Variants in ARHGAP44 observed in about 807,000 individuals in gnomAD.
ARHGAP44 encodes the protein rho GTPase-activating protein 44.
A neutral mutation model predicts 106.8 loss-of-function variants in ARHGAP44; 43 were observed. That is an observed-to-expected ratio of 0.40 (90% CI 0.32 to 0.52). The LOEUF is 0.52. ARHGAP44 is among the 20% of genes least tolerant of loss of function. The pLI is 0.48. For synonymous variants in ARHGAP44, 439 were observed against 410.3 expected, an observed-to-expected ratio of 1.07 and a Z score of -0.85; for missense variants, 866 against 1,050.5, an observed-to-expected ratio of 0.82 and a Z score of 2.43.
Position 12,984,719 on chromosome 17 carries a change from G to C in ARHGAP44, c.2128G>C (p.Ala710Pro). The change falls in exon 20 of 21, where the codon GCT (alanine) becomes CCT (proline). Residue 710 changes from alanine (A) to proline (P), a missense_variant. Coordinates refer to ENST00000379672, the MANE Select transcript of ARHGAP44 (RefSeq NM_014859.6). ...CTCGGGCCAGCTCTCCCCAGCTGCA[G>C]CTCCTCCCCTGGCCTCTCCTTCTGT... ...LASGQLSPAA[A>P]PPLASPSVFT... is the part of the protein sequence containing the mutation. 6.2e-7 allele frequency: 1 copy of C among 1,613,878 alleles called. No homozygotes were observed. The highest frequency in any genetic ancestry group is 8.5e-7 in the Non-Finnish European group (1 of 1,179,870).
intron 20 of ARHGAP44, among the ~76,000 whole-genome samples, chr17:12,989,529 C>G (rs79988355): frequency 6.6e-6 from 1 of 152,126 alleles, no homozygotes; most frequent in Non-Finnish European, 1.5e-5. Context: ...TGAGGGAGAC[C>G]TTCTACTCCA....
chr17:12,925,792 T>C (rs2038213967), intron 6 of ARHGAP44, among the ~76,000 whole-genome samples: 1 of 152,222 alleles, frequency 6.6e-6, no homozygotes, highest in Admixed American at 6.5e-5. Flanking sequence ...CTGTTTCTCC[T>C]CTGACAGAGC....
intron 1 of ARHGAP44, among the ~76,000 whole-genome samples, chr17:12,881,325 G>T (rs1346246131): frequency 6.6e-6 from 1 of 151,538 alleles, no homozygotes; most frequent in Admixed American, 6.6e-5. Flanking sequence ...TAATTCATTG[G>T]TATTTGACTT....
rs2038900556 is a variant in ARHGAP44 at position 12,948,117 on chromosome 17, C to T, written c.862-1023C>T. Among the ~76,000 whole-genome samples the T allele has an allele frequency of 2.0e-5, 3 of 152,196 alleles. No individual in the cohort carries two copies. The South Asian group carries it at 6.2e-4, about 32-fold the overall frequency. On this transcript the variant is annotated intron_variant, in intron 10 of 20. Transcript: ENST00000379672. Reference sequence around the variant, plus strand: ...AACAGAAACCGATAGGTCTTTAACCCGTGTGTCACTTACCTGTGACGTGGA... The same window carrying T: ...AACAGAAACCGATAGGTCTTTAACCTGTGTGTCACTTACCTGTGACGTGGA...
intron 1 of ARHGAP44, among the ~76,000 whole-genome samples, chr17:12,831,265 G>T (rs1369877782): frequency 6.6e-6 from 1 of 152,172 alleles, no homozygotes; most frequent in Admixed American, 6.5e-5. Flanking sequence ...AGACTTGGCT[G>T]CCGGACTCCA....
At chr17:12,904,656 ATCTC>A (rs1330683457) in intron 3 of ARHGAP44, among the ~76,000 whole-genome samples, 1 of 152,230 alleles carries the variant, frequency 6.6e-6, no homozygotes, top group East Asian at 1.9e-4. Context: ...AAAGGTATCT[ATCTC>A]TATGTGAAAA....
At chr17:12,957,394 A>G (rs1045468269) in intron 15 of ARHGAP44, among the ~76,000 whole-genome samples, 1 of 152,222 alleles carries the variant, frequency 6.6e-6, no homozygotes. Flanking sequence ...TTGTGCAGGA[A>G]GGAAAGATCC....
At chr17:12,849,188 C>T (rs879592306) in intron 1 of ARHGAP44, among the ~76,000 whole-genome samples, 1 of 151,238 alleles carries the variant, frequency 6.6e-6, no homozygotes. Context: ...AGGGTCTGCA[C>T]GCCAGAGATC....
rs113183100 is a variant in ARHGAP44, at chr17:12,981,569, T to C, written c.1939+1336T>C. Among the ~76,000 whole-genome samples, 979 of 152,050 alleles carry C rather than the reference T, an allele frequency of 6.4e-3. 11 individuals carry two copies. Among genetic ancestry groups the C allele is most frequent in the African/African-American group, 0.022 (914 of 41,522 alleles). On this transcript the variant is annotated intron_variant, in intron 19 of 20. Coordinates refer to ENST00000379672, the MANE Select transcript of ARHGAP44 (RefSeq NM_014859.6). ...TCTACCACCACACCTGGCTAATTTT[T>C]GTATTTTCAGTAGAGATGGGGTTTC...
rs759523082 is a variant in ARHGAP44, at chr17:12,984,604, T to C, written c.2013T>C (p.Ala671=). 4.4e-6 allele frequency: 7 copies of C among 1,607,940 alleles called. No individual in the cohort carries two copies. The Admixed American group carries it at 1.2e-4, about 27-fold the overall frequency. The change falls in exon 20 of 21, where the codon GCT becomes GCC. Residue 671 remains alanine, a synonymous_variant. Transcript: ENST00000379672. ...GQPGAMADQS[A]GQPSPVSLSP... ...CGGGGGCTATGGCAGACCAGTCCGC[T>C]GGCCAGCCGTCCCCAGTCAGCCTGT...
In ARHGAP44 at chr17:12,896,392, C is replaced by T. The variant is rs915193050; in HGVS notation, c.94-15C>T. 8.9e-6 allele frequency: 14 copies of T among 1,579,502 alleles called. No homozygotes were observed. Among genetic ancestry groups the T allele is most frequent in the African/African-American group, 6.7e-5 (5 of 74,084 alleles). The stretch of plus-strand genomic sequence containing the variant: ...TGCCCTCTCTCAGTGGCACCACCCG[C>T]TCTTCTCTCTGCAGGTGGAGAAGCG... On this transcript the variant is annotated splice_polypyrimidine_tract_variant and intron_variant, in intron 2 of 20. Coordinates refer to ENST00000379672, the MANE Select transcript of ARHGAP44 (RefSeq NM_014859.6).
chr17:12,829,409 C>A (rs903410445), intron 1 of ARHGAP44, among the ~76,000 whole-genome samples: 1 of 152,064 alleles, frequency 6.6e-6, no homozygotes, highest in Non-Finnish European at 1.5e-5. Flanking sequence ...TTTTTGGCTT[C>A]TTATAGTATA....
At chr17:12,809,908 G>C (rs1179785243) in intron 1 of ARHGAP44, among the ~76,000 whole-genome samples, 1 of 152,134 alleles carries the variant, frequency 6.6e-6, no homozygotes, top group Non-Finnish European at 1.5e-5. Context: ...CACTGAGAAG[G>C]AGCCTGTGAG....
At chr17:12,985,001 A>G in intron 20 of ARHGAP44, 93 bp downstream of exon 20, 1 of 1,458,694 alleles carries the variant, frequency 6.9e-7, no homozygotes, top group South Asian at 1.4e-5. Context: ...CAGTGAACAC[A>G]TTCCTGCGTG....
chr17:12,851,347 T>G (rs1794821192), intron 1 of ARHGAP44, among the ~76,000 whole-genome samples: 1 of 152,236 alleles, frequency 6.6e-6, no homozygotes, highest in Non-Finnish European at 1.5e-5. Context: ...GGCTTATTTT[T>G]CATTTACAGA....
intron 2 of ARHGAP44, 138 bp downstream of exon 2, chr17:12,895,117 G>A (rs1387169938): frequency 1.8e-5 from 13 of 735,092 alleles, no homozygotes; most frequent in East Asian, 1.5e-4. Context: ...GCGATACAGC[G>A]AGACTCTGTC....
intron 6 of ARHGAP44, among the ~76,000 whole-genome samples, chr17:12,926,181 A>G (rs966181406): frequency 2.0e-5 from 3 of 151,880 alleles, no homozygotes; most frequent in Non-Finnish European, 4.4e-5. Flanking sequence ...CCTGACCAAC[A>G]TGGCGAAACC....
intron 16 of ARHGAP44, among the ~76,000 whole-genome samples, chr17:12,970,177 G>C (rs2039489330): frequency 6.6e-6 from 1 of 151,362 alleles, no homozygotes; most frequent in African/African-American, 2.4e-5. Context: ...GTCCAGCCTG[G>C]GTAACATGGT....
intron 1 of ARHGAP44, among the ~76,000 whole-genome samples, chr17:12,836,918 C>T (rs2035255154): frequency 6.6e-6 from 1 of 152,090 alleles, no homozygotes; most frequent in South Asian, 2.1e-4. Context: ...TGCTGTAAAC[C>T]AATTGGATCT....
Sources: allele counts gnomAD v4.1 joint callset (sites outside exome capture counted in the v4.1 genomes callset), GRCh38; gene constraint gnomAD v4.1.1; transcripts MANE v1.5; gene names NCBI Gene and HGNC (gene_info 2026-07-23, HGNC 2026-07-21).